Variants in LARGE1 observed in about 807,000 individuals in gnomAD.
LARGE1 encodes xylosyl- and glucuronyltransferase LARGE1.
LARGE1 carries 43 observed loss-of-function variants against 87.6 expected under a neutral mutation model. The observed-to-expected ratio is 0.49, with a 90% CI of 0.38 to 0.63. The LOEUF is 0.63. LARGE1 is among the 30% of genes least tolerant of loss of function. The probability of loss-of-function intolerance (pLI) is 0.00; values close to 1 mark genes in which losing one functional copy is unlikely to be tolerated. For synonymous variants in LARGE1, 434 were observed against 394.6 expected (o/e 1.10, Z -1.18); for missense variants, 802 against 1,000.2 (o/e 0.80, Z 2.67).
intron 1 of LARGE1, among the ~76,000 whole-genome samples, chr22:33,882,045 G>GTTTTTTTTTTT (rs3216428): frequency 3.1e-5 from 4 of 130,866 alleles, no homozygotes; most frequent in South Asian, 2.3e-4. Context: ...GTTTTTTTTT[G>GTTTTTTTTTTT]TTTTTTTTTT....
chr22:33,118,464 C>T, the LARGE1 span, among the ~76,000 whole-genome samples: 1 of 150,500 alleles, frequency 6.6e-6, no homozygotes, highest in Admixed American at 6.6e-5. Flanking sequence ...TGCACTCCAG[C>T]CTGGGTGACA....
intron 5 of LARGE1, among the ~76,000 whole-genome samples, chr22:33,574,827 T>C (rs979341545): frequency 2.6e-5 from 4 of 151,950 alleles, no homozygotes; most frequent in Non-Finnish European, 5.9e-5. Flanking sequence ...GGATCAAATG[T>C]TGGAGAAGAC....
intron 2 of LARGE1, among the ~76,000 whole-genome samples, chr22:33,723,333 C>T (rs926642970): frequency 9.9e-5 from 15 of 152,144 alleles, no homozygotes; most frequent in Admixed American, 2.0e-4. Flanking sequence ...CCTTCAGGGT[C>T]CAGGGGCAAA....
chr22:33,632,628 T>C (rs986101131), intron 3 of LARGE1, among the ~76,000 whole-genome samples: 1 of 151,922 alleles, frequency 6.6e-6, no homozygotes, highest in Non-Finnish European at 1.5e-5. Context: ...GCCCTGCCCA[T>C]ACCTCTTGGC....
chr22:33,763,737 T>TAA (rs1455317537), intron 1 of LARGE1, among the ~76,000 whole-genome samples: 1 of 151,676 alleles, frequency 6.6e-6, no homozygotes, highest in East Asian at 1.9e-4. Flanking sequence ...GAGGCTCAAA[T>TAA]GAGAGAGCCT....
At chr22:33,856,936 T>G (rs535541138) in intron 1 of LARGE1, 2 of 152,174 alleles carry the variant, frequency 1.3e-5, no homozygotes, top group South Asian at 4.1e-4. Context: ...ATAACTTTTT[T>G]TTTTCTTTTT....
intron 2 of LARGE1, among the ~76,000 whole-genome samples, chr22:33,685,252 A>G (rs887233982): frequency 2.0e-5 from 3 of 152,204 alleles, no homozygotes; most frequent in Non-Finnish European, 4.4e-5. Flanking sequence ...ATTAATATAC[A>G]AAAGAAATCC....
In LARGE1 at chr22:33,304,168, C is replaced by T. The variant is rs1934545415; in HGVS notation, c.1730+61G>A. 3.1e-6 allele frequency: 5 copies of T among 1,590,064 alleles called. No individual in the cohort carries two copies. In the Admixed American group the frequency reaches 6.7e-5, roughly 21 times the overall value. ...TGATGACCCTAAGGGCCTTTTGGTC[C>T]TGGCACTGCATGGCCCTATGTGCCT... On this transcript the variant is annotated intron_variant, in intron 12 of 14. Coordinates refer to ENST00000397394, the MANE Select transcript of LARGE1 (RefSeq NM_133642.5).
chr22:33,206,111 C>T (rs1924670161), intron 11 of LARGE1, among the ~76,000 whole-genome samples: 1 of 152,038 alleles, frequency 6.6e-6, no homozygotes, highest in South Asian at 2.1e-4. Context: ...CCCGCCACCA[C>T]ACCCGGCTAA....
chr22:33,395,798 G>A (rs1569126434), intron 7 of LARGE1, among the ~76,000 whole-genome samples: 1 of 152,196 alleles, frequency 6.6e-6, no homozygotes, highest in Non-Finnish European at 1.5e-5. Context: ...GCATTCTGTA[G>A]GATGCTAGTA....
rs569199065 is a variant in LARGE1, at chr22:33,885,790, G to T, written c.-83+34205C>A. ...TCACACCTGTAATCCTAACACTTTG[G>T]GAGGCCGAGGCAGGTGGATCACTTA... On this transcript the variant is annotated intron_variant, in intron 1 of 14. Coordinates refer to ENST00000397394, the MANE Select transcript of LARGE1 (RefSeq NM_133642.5). 1.5e-4 allele frequency among the ~76,000 whole-genome samples: 23 copies of T among 152,238 alleles called. No individual in the cohort carries two copies. In the East Asian group the frequency reaches 2.7e-3, roughly 18 times the overall value.
intron 5 of LARGE1, among the ~76,000 whole-genome samples, chr22:33,574,397 A>T (rs2078290887): frequency 6.6e-6 from 1 of 152,138 alleles, no homozygotes; most frequent in Non-Finnish European, 1.5e-5. Context: ...GTTATACTGT[A>T]TTGTTTTGGG....
At chr22:33,776,084 A>G (rs574160108) in intron 1 of LARGE1, among the ~76,000 whole-genome samples, 3 of 152,332 alleles carry the variant, frequency 2.0e-5, no homozygotes, top group African/African-American at 7.2e-5. Context: ...AACCAAGCAC[A>G]TGCACAAAAG....
chr22:33,378,917 C>A (rs2065069263), intron 9 of LARGE1, among the ~76,000 whole-genome samples: 1 of 152,150 alleles, frequency 6.6e-6, no homozygotes. Context: ...CTGGGAAACA[C>A]ATTTACTAGC....
intron 4 of LARGE1, 60 bp from the exon 5 acceptor site, chr22:33,604,618 T>G: frequency 1.2e-6 from 2 of 1,606,900 alleles, no homozygotes; most frequent in Non-Finnish European, 1.7e-6. Context: ...GAATTACAGC[T>G]GCAAAAACAC....
intron 6 of LARGE1, among the ~76,000 whole-genome samples, chr22:33,434,613 T>C (rs2067198723): frequency 6.6e-6 from 1 of 152,162 alleles, no homozygotes; most frequent in Admixed American, 6.5e-5. Flanking sequence ...AAGGATCTTT[T>C]ATTGAATTTA....
intron 6 of LARGE1, among the ~76,000 whole-genome samples, chr22:33,442,823 C>T (rs937083379): frequency 2.0e-5 from 3 of 148,530 alleles, no homozygotes; most frequent in East Asian, 2.0e-4. Flanking sequence ...GATGGAGTCT[C>T]GCTCTGCCGC....
At chr22:33,921,902 G>T (rs557624866), upstream of LARGE1, among the ~76,000 whole-genome samples, 1 of 152,112 alleles carries the variant, frequency 6.6e-6, no homozygotes, top group African/African-American at 2.4e-5. This position sits in a 1 kb window ranked among gnomAD's most constrained non-coding sequence, Gnocchi z 4.1. Context: ...GGATGCCCTC[G>T]AGAGAAGACC....
the LARGE1 span, among the ~76,000 whole-genome samples, chr22:33,140,036 A>G: frequency 3.9e-5 from 6 of 152,336 alleles, no homozygotes; most frequent in East Asian, 1.2e-3. Context: ...CCTCTGCCCT[A>G]TGAATGAGTT....
Sources: allele counts gnomAD v4.1 joint callset (sites outside exome capture counted in the v4.1 genomes callset), GRCh38; gene constraint gnomAD v4.1.1; non-coding constraint Gnocchi (gnomAD v3.1); transcripts MANE v1.5; gene names NCBI Gene and HGNC (gene_info 2026-07-23, HGNC 2026-07-21).